Variants in SPEN observed in about 807,000 individuals in gnomAD.
SPEN encodes msx2-interacting protein.
In SPEN, 18 loss-of-function variants were observed where a neutral mutation model predicts 269.9. The observed-to-expected ratio is 0.07, with a 90% confidence interval of 0.05 to 0.10. SPEN has a LOEUF of 0.10. Ranked by LOEUF, SPEN falls within the 10% of genes least tolerant of loss-of-function variation. The pLI, the probability that SPEN is intolerant of heterozygous loss-of-function variation, is 1.00. For missense variants in SPEN, 3,822 were observed against 4,631.2 expected (o/e 0.83, Z 5.07); for synonymous variants, 1,726 against 1,765.7 (o/e 0.98, Z 0.56).
Position 15,931,495 on chromosome 1 carries a change from A to T in SPEN, c.5255A>T (p.Glu1752Val). Residue 1752 changes from glutamate (E) to valine (V), a missense_variant, in exon 11 of 15, where the codon GAG becomes GTG. This residue lies in a region of SPEN where 533 missense variants were observed against 618.8 expected (regional missense o/e 0.86). Coordinates refer to ENST00000375759, the MANE Select transcript of SPEN (RefSeq NM_015001.3). This position sits in a 1 kb window ranked among gnomAD's most constrained non-coding sequence, Gnocchi z 4.8. Reference protein sequence around the residue: ...FSQAESNVDPEPDSTQPLSKP... With the variant: ...FSQAESNVDPVPDSTQPLSKP... ...CAGGCAGAGAGCAACGTAGATCCAG[A>T]GCCTGACAGTACCCAGCCACTTTCA... 6.2e-7 allele frequency: 1 copy of T among 1,614,136 alleles called. No individual in the cohort carries two copies. Among genetic ancestry groups the T allele is most frequent in the Non-Finnish European group, 8.5e-7 (1 of 1,180,016 alleles).
chr1:15,926,415 T>A (rs1182472389), intron 10 of SPEN, among the ~76,000 whole-genome samples: 1 of 138,670 alleles, frequency 7.2e-6, no homozygotes, highest in Non-Finnish European at 1.6e-5. Flanking sequence ...ACACACACAT[T>A]TATAAATATA....
chr1:15,870,831 T>C (rs373897425), intron 1 of SPEN, among the ~76,000 whole-genome samples: 1 of 152,212 alleles, frequency 6.6e-6, no homozygotes, highest in Non-Finnish European at 1.5e-5. Context: ...TTGGAAGTTA[T>C]GGAGTGAGTT....
chr1:15,901,611 C>G (rs2070900994), intron 3 of SPEN, among the ~76,000 whole-genome samples: 1 of 144,634 alleles, frequency 6.9e-6, no homozygotes. Flanking sequence ...GATCACGCCA[C>G]TGCACTCCAG....
intron 6 of SPEN, chr1:15,917,969 C>G (rs1389533511): frequency 6.6e-6 from 1 of 152,190 alleles, no homozygotes; most frequent in Non-Finnish European, 1.5e-5. Context: ...TCCTTCCTTG[C>G]TGATGGAGAA....
chr1:15,939,657 C>G lies in SPEN; in HGVS notation c.*230C>G. ...TTTAGCCCAAGGACACATCACCAACCCATGGACTCGCAGACACCGGGGCTG... is the reference window on the plus strand; with the variant it reads ...TTTAGCCCAAGGACACATCACCAACGCATGGACTCGCAGACACCGGGGCTG... On this transcript the variant is annotated 3_prime_UTR_variant, in exon 15 of 15. Transcript: ENST00000375759. The surrounding 1 kb of genome is among the most constrained non-coding windows in gnomAD (Gnocchi z 4.1). 1 of 404,944 alleles carries G rather than the reference C, an allele frequency of 2.5e-6. No homozygotes were observed. The allele number at this position is 404,944 out of a possible 1,614,324, so 25.1% of individuals were successfully genotyped here. A position where few individuals can be genotyped will look rare whatever the true frequency, so the allele number is the denominator to read the frequency against.
Position 15,878,046 on chromosome 1 carries a change from A to G in SPEN, c.881+1368A>G, listed in dbSNP as rs12121806. Among the ~76,000 whole-genome samples, 1,394 of 152,130 alleles carry G rather than the reference A, an allele frequency of 9.2e-3. 14 individuals are homozygous for G. The highest frequency in any genetic ancestry group is 0.015 in the Non-Finnish European group (1,044 of 67,982). On this transcript the variant is annotated intron_variant, in intron 3 of 14. Coordinates refer to ENST00000375759, the MANE Select transcript of SPEN (RefSeq NM_015001.3). ...CAGTGTGAGCTACTGCGCCTGGCCA[A>G]GCTTTCTCATTTTTAATAAGGACCT...
chr1:15,891,851 TCTCA>T (rs2070792051), intron 3 of SPEN, among the ~76,000 whole-genome samples: 1 of 151,474 alleles, frequency 6.6e-6, no homozygotes, highest in South Asian at 2.1e-4. Context: ...TTCACATATA[TCTCA>T]GTAGAACTGT....
chr1:15,894,536 G>GGTTT lies in SPEN; in HGVS notation c.882-14785_882-14784insGTTT, dbSNP rs1553177206. ...ATCCTAAAACTACCATATTATGGTT[G>GGTTT]TTTTTTTTTTTTTTTTTTTTTTTGA... On this transcript the variant is annotated intron_variant, in intron 3 of 14. Transcript: ENST00000375759. Among the ~76,000 whole-genome samples the GGTTT allele has an allele frequency of 4.5e-3, 454 of 100,434 alleles. 3 individuals are homozygous for GGTTT. Among genetic ancestry groups the GGTTT allele is most frequent in the Middle Eastern group, 0.023 (3 of 130 alleles). 65.9% of individuals were successfully genotyped at this position (100,434 alleles called of 152,430 possible).
chr1:15,853,285 C>CA (rs1046751999), intron 1 of SPEN, among the ~76,000 whole-genome samples: 1 of 150,440 alleles, frequency 6.6e-6, no homozygotes, highest in African/African-American at 2.5e-5. Flanking sequence ...CTCCTGGGTT[C>CA]AAGCACTTCT....
chr1:15,873,252 A>G (rs1207593159), intron 2 of SPEN, 116 bp downstream of exon 2: 12 of 1,413,706 alleles, frequency 8.5e-6, no homozygotes, highest in Admixed American at 2.9e-5. Context: ...AATGTTTCCT[A>G]TTTTGGGTTG....
rs772381524 is a variant in SPEN at position 15,939,972 on chromosome 1, G to C, written c.*545G>C. 14 of 232,396 alleles carry C rather than the reference G, an allele frequency of 6.0e-5. No individual in the cohort carries two copies. The highest frequency in any genetic ancestry group is 8.5e-5 in the Non-Finnish European group (10 of 117,536). The allele number at this position is 232,396 out of a possible 1,614,324, so 14.4% of individuals were successfully genotyped here. On this transcript the variant is annotated 3_prime_UTR_variant, in exon 15 of 15. Transcript: ENST00000375759. This position sits in a 1 kb window ranked among gnomAD's most constrained non-coding sequence, Gnocchi z 4.1. The stretch of plus-strand genomic sequence containing the variant: ...CCCCATCTCCCTTGCTCATTTGGAT[G>C]CGTCACCTTAATTCTCCTGCTGCCA...
intron 3 of SPEN, among the ~76,000 whole-genome samples, chr1:15,899,471 C>T (rs1043649129): frequency 5.3e-5 from 8 of 150,790 alleles, no homozygotes; most frequent in African/African-American, 2.0e-4. Flanking sequence ...TGAGCCACTG[C>T]GCTCGGCAGT....
At chr1:15,857,014 G>A (rs1218790578) in intron 1 of SPEN, among the ~76,000 whole-genome samples, 1 of 151,738 alleles carries the variant, frequency 6.6e-6, no homozygotes, top group Non-Finnish European at 1.5e-5. Flanking sequence ...AGTTCCTCTC[G>A]TTCATCTCCA....
chr1:15,895,554 T>C (rs2070833839), intron 3 of SPEN, among the ~76,000 whole-genome samples: 1 of 152,204 alleles, frequency 6.6e-6, no homozygotes, highest in Non-Finnish European at 1.5e-5. Context: ...TAAGCTTTAA[T>C]TATCTACCAG....
At position 15,934,459 on chromosome 1, in the gene SPEN, C is replaced by T. The variant is rs1465631567; in HGVS notation, c.8219C>T (p.Thr2740Ile). 1.2e-6 allele frequency: 2 copies of T among 1,614,034 alleles called. No homozygotes were observed. The highest frequency in any genetic ancestry group is 3.3e-5 in the Admixed American group (2 of 60,026). ...SAVNATASAV[T>I]VTAGAVTAAS... is the part of the protein sequence containing the mutation. ...GTGAATGCCACAGCAAGTGCAGTGA[C>T]CGTCACAGCGGGTGCGGTTACTGCT... Residue 2740 changes from threonine (T) to isoleucine (I), a missense_variant, in exon 11 of 15, where the codon ACC becomes ATC. Around this residue, in one of 16 missense-constraint regions of SPEN, gnomAD observed 329 missense variants for 431.2 expected, o/e 0.76. Coordinates refer to ENST00000375759, the MANE Select transcript of SPEN (RefSeq NM_015001.3). The surrounding 1 kb of genome is among the most constrained non-coding windows in gnomAD (Gnocchi z 9.2).
At position 15,931,875 on chromosome 1, in the gene SPEN, GCTTCTAAAAACT is replaced by G. The variant is rs776285786; in HGVS notation, c.5638_5649del (p.Ser1880_Ser1883del). 6.2e-7 allele frequency: 1 copy of G among 1,614,106 alleles called. No homozygotes were observed. The highest frequency in any genetic ancestry group is 1.3e-5 in the African/African-American group (1 of 74,936). On this transcript the variant is annotated inframe_deletion, in exon 11 of 15. Transcript: ENST00000375759. The surrounding 1 kb of genome is among the most constrained non-coding windows in gnomAD (Gnocchi z 4.8). ...GGAGGCAGAGAAGATTACAAGGACT[GCTTCTAAAAACT>G]CTGCTGCAGACCTTGAACATCCCGA...
At chr1:15,921,257 G>A (rs556390032) in intron 9 of SPEN, among the ~76,000 whole-genome samples, 1 of 152,306 alleles carries the variant, frequency 6.6e-6, no homozygotes, top group African/African-American at 2.4e-5. Flanking sequence ...TTGAACCCAG[G>A]AGGCGGAGGT....
Position 15,876,292 on chromosome 1 carries a change from C to T in SPEN, c.495C>T (p.Tyr165=), listed in dbSNP as rs1238307963. Residue 165 remains tyrosine, a synonymous_variant, in exon 3 of 15, where the codon TAC becomes TAT. Coordinates refer to ENST00000375759, the MANE Select transcript of SPEN (RefSeq NM_015001.3). Reference sequence around the variant, plus strand: ...GAGGATTTGATCGGACAAGACATTACGATCAGGATTACTATAGAGATCCTC... The same window carrying T: ...GAGGATTTGATCGGACAAGACATTATGATCAGGATTACTATAGAGATCCTC... The part of the protein sequence containing the change: ...GTGGFDRTRH[Y]DQDYYRDPRE... 16 of 1,613,818 alleles carry T rather than the reference C, an allele frequency of 9.9e-6. No homozygotes were observed. Among genetic ancestry groups the T allele is most frequent in the African/African-American group, 2.7e-5 (2 of 74,860 alleles).
rs1178642086 is a variant in SPEN at position 15,939,065 on chromosome 1, G to A, written c.10863+189G>A. Among the ~76,000 whole-genome samples the A allele has an allele frequency of 1.3e-5, 2 of 152,192 alleles. No homozygotes were observed. The highest frequency in any genetic ancestry group is 2.9e-5 in the Non-Finnish European group (2 of 68,030). On this transcript the variant is annotated intron_variant, in intron 14 of 14. Coordinates refer to ENST00000375759, the MANE Select transcript of SPEN (RefSeq NM_015001.3). The surrounding 1 kb of genome is among the most constrained non-coding windows in gnomAD (Gnocchi z 4.1). ...CATCCTGAAGAGAACCCAGGGAACC[G>A]CTGAGAACACAGGTTTTCCATGAGT...
Sources: gnomAD v4.1 joint callset for allele counts (sites outside exome capture counted in the v4.1 genomes callset) on GRCh38, gnomAD v4.1.1 for gene constraint, gnomAD v4.1.1 regional missense constraint, Gnocchi (gnomAD v3.1) non-coding constraint, MANE v1.5 for transcripts, NCBI Gene and HGNC (gene_info 2026-07-23, HGNC 2026-07-21) for gene names.